The following DRD2 variants were observed in gnomAD, a reference collection of about 807,000 sequenced individuals.
The protein encoded by DRD2 is D(2) dopamine receptor.
Under a neutral mutation model 38.0 loss-of-function variants are expected in DRD2, and 8 were observed. That is an observed-to-expected ratio of 0.21 (90% confidence interval 0.12 to 0.38). The LOEUF is 0.38. DRD2 is among the 10% of genes least tolerant of loss of function. The pLI is 1.00. For missense variants in DRD2, 403 were observed against 607.7 expected (o/e 0.66, Z 3.54); for synonymous variants, 230 against 238.6 (o/e 0.96, Z 0.33).
intron 5 of DRD2, chr11:113,415,169 A>G (rs529469335): frequency 7.2e-6 from 3 of 413,858 alleles, no homozygotes; most frequent in Non-Finnish European, 1.3e-5. Flanking sequence ...GCCTTCAGTC[A>G]CAAAGATCTC....
chr11:113,456,237 T>G (rs1468319635), intron 1 of DRD2, among the ~76,000 whole-genome samples: 1 of 152,234 alleles, frequency 6.6e-6, no homozygotes, highest in Non-Finnish European at 1.5e-5. Context: ...TCTACGAATT[T>G]GAACTCATAG....
chr11:113,435,854 T>C (rs1205467022), intron 1 of DRD2, among the ~76,000 whole-genome samples: 1 of 152,182 alleles, frequency 6.6e-6, no homozygotes, highest in South Asian at 2.1e-4. Flanking sequence ...TGAGAAAACA[T>C]GCTCTTGAAA....
chr11:113,412,409 T>C (rs1013847046), intron 7 of DRD2, 147 bp downstream of exon 7: 4 of 993,736 alleles, frequency 4.0e-6, no homozygotes, highest in Non-Finnish European at 6.1e-6. Flanking sequence ...AGAATCTACC[T>C]AATAGGGCTG....
Position 113,410,594 on chromosome 11 carries a change from A to G in DRD2, c.*133T>C. On this transcript the variant is annotated 3_prime_UTR_variant, in exon 8 of 8. Transcript: ENST00000362072. ...CAGTGAGGAGCATGGAGCCAAGCGA[A>G]CACTGCAGGGCCTGCCGGGGTGAAG... The G allele has an allele frequency of 8.7e-7, 1 of 1,154,906 alleles. No individual in the cohort carries two copies. The highest frequency in any genetic ancestry group is 1.2e-5 in the South Asian group (1 of 80,424). 71.5% of individuals were successfully genotyped at this position (1,154,906 alleles called of 1,614,324 possible).
chr11:113,460,025 G>T (rs1356110310), intron 1 of DRD2, among the ~76,000 whole-genome samples: 4 of 152,222 alleles, frequency 2.6e-5, no homozygotes. Flanking sequence ...AAATCTATGG[G>T]ATTCCAGCTC....
chr11:113,430,402 A>C (rs552618917), intron 1 of DRD2, among the ~76,000 whole-genome samples: 3 of 152,364 alleles, frequency 2.0e-5, no homozygotes, highest in Admixed American at 2.0e-4. Context: ...ATCCAACCCC[A>C]GTAGAGCTCC....
chr11:113,413,273 A>G, intron 6 of DRD2: 1 of 566,300 alleles, frequency 1.8e-6, no homozygotes, highest in Non-Finnish European at 3.4e-6. Flanking sequence ...GACTGCAAAG[A>G]GGGTGCCCAC....
chr11:113,416,885 G>A lies in DRD2; in HGVS notation c.510C>T (p.Leu170=). ...TACCTGCGTTATTGAGTCCGAAGAG[G>A]AGTGGGCAGGAGATGGTGAAGGACA... ...WVLSFTISCP[L]LFGLNNADQN... The change falls in exon 4 of 8, where the codon CTC becomes CTT. Residue 170 remains leucine (L), a synonymous_variant. Transcript: ENST00000362072. 6.2e-7 allele frequency: 1 copy of A among 1,614,196 alleles called. No individual in the cohort carries two copies. The highest frequency in any genetic ancestry group is 1.3e-5 in the African/African-American group (1 of 75,076).
At chr11:113,458,252 A>AT (rs2119945832) in intron 1 of DRD2, among the ~76,000 whole-genome samples, 1 of 152,316 alleles carries the variant, frequency 6.6e-6, no homozygotes, top group East Asian at 1.9e-4. Flanking sequence ...TTTTAAAATG[A>AT]TTTTCTGCCC....
In DRD2 at chr11:113,410,535, C is replaced by G; in HGVS notation, c.*192G>C. 1.3e-6 allele frequency: 1 copy of G among 764,188 alleles called. No individual in the cohort carries two copies. The highest frequency in any genetic ancestry group is 2.1e-5 in the Admixed American group (1 of 47,918). The allele number at this position is 764,188 out of a possible 1,614,324, so 47.3% of individuals were successfully genotyped here. A position where few individuals can be genotyped will look rare whatever the true frequency, so the allele number is the denominator to read the frequency against. On this transcript the variant is annotated 3_prime_UTR_variant, in exon 8 of 8. Transcript: ENST00000362072. ...CAGGGCTGGTACCATGCCCAGCTCA[C>G]TAGCACTGCCCTGGCAGAGTGAGGG...
In DRD2 at chr11:113,424,549, T is replaced by C. The variant is rs1262965650; in HGVS notation, c.103A>G (p.Asn35Asp). 1 of 1,614,192 alleles carries C rather than the reference T, an allele frequency of 6.2e-7. No individual in the cohort carries two copies. The highest frequency in any genetic ancestry group is 8.5e-7 in the Non-Finnish European group (1 of 1,180,034). ...AGGGTGAGCAGTGTGGCATAGTAGT[T>C]GTAGTGGGGTCTGTCCGCCTTCCCG... ...SDGKADRPHY[N>D]YYATLLTLLI... Residue 35 changes from asparagine to aspartate, a missense_variant, in exon 2 of 8, where the codon AAC becomes GAC. Coordinates refer to ENST00000362072, the MANE Select transcript of DRD2 (RefSeq NM_000795.4).
At chr11:113,431,751 G>A (rs1490114198) in intron 1 of DRD2, among the ~76,000 whole-genome samples, 3 of 152,224 alleles carry the variant, frequency 2.0e-5, no homozygotes, top group Admixed American at 2.0e-4. Flanking sequence ...GTAGAGGCAG[G>A]CACTTCCAAC....
chr11:113,411,263 T>TA (rs1950766973), intron 7 of DRD2, among the ~76,000 whole-genome samples: 1 of 152,220 alleles, frequency 6.6e-6, no homozygotes, highest in Non-Finnish European at 1.5e-5. Context: ...CTTTGAGGGC[T>TA]ATAGACCCAT....
chr11:113,410,957 C>T (rs375272998), intron 7 of DRD2, 37 bp from the exon 8 acceptor site: 90 of 1,587,698 alleles, frequency 5.7e-5, no homozygotes, highest in Non-Finnish European at 7.5e-5. Context: ...GTCCCCAGAG[C>T]CGGGGAGGCA....
In DRD2 at chr11:113,410,844, A is replaced by G. The variant is rs1247157523; in HGVS notation, c.1215T>C (p.Pro405=). 3 of 1,614,048 alleles carry G rather than the reference A, an allele frequency of 1.9e-6. No individual in the cohort carries two copies. Among genetic ancestry groups the G allele is most frequent in the Non-Finnish European group, 2.5e-6 (3 of 1,180,018 alleles). ...LNIHCDCNIP[P]VLYSAFTWLG... ...GCCACGTGAAGGCGCTGTACAGGAC[A>G]GGCGGGATGTTGCAGTCACAGTGTA... The change falls in exon 8 of 8, where the codon CCT becomes CCC. Residue 405 remains proline (P), a synonymous_variant. Transcript: ENST00000362072.
chr11:113,410,587 C>T lies in DRD2; in HGVS notation c.*140G>A, dbSNP rs960541404. The T allele has an allele frequency of 9.3e-7, 1 of 1,072,392 alleles. No homozygotes were observed. Among genetic ancestry groups the T allele is most frequent in the African/African-American group, 1.5e-5 (1 of 64,792 alleles). The allele number at this position is 1,072,392 out of a possible 1,614,324, so 66.4% of individuals were successfully genotyped here. A position where few individuals can be genotyped will look rare whatever the true frequency, so the allele number is the denominator to read the frequency against. On this transcript the variant is annotated 3_prime_UTR_variant, in exon 8 of 8. Coordinates refer to ENST00000362072, the MANE Select transcript of DRD2 (RefSeq NM_000795.4). ...GTGCGGGCAGTGAGGAGCATGGAGC[C>T]AAGCGAACACTGCAGGGCCTGCCGG...
At chr11:113,432,288 T>TTCTC (rs56097058) in intron 1 of DRD2, among the ~76,000 whole-genome samples, 1,517 of 136,326 alleles carry the variant, frequency 0.011, 17 homozygotes, top group East Asian at 0.031. Flanking sequence ...GATCCTCTCT[T>TTCTC]TCTCTCTCTC....
At chr11:113,416,199 C>T (rs59065384) in intron 4 of DRD2, among the ~76,000 whole-genome samples, 2 of 152,174 alleles carry the variant, frequency 1.3e-5, no homozygotes, top group Non-Finnish European at 2.9e-5. Flanking sequence ...TAATAGATAC[C>T]GAACCACACA....
At chr11:113,449,527 G>A (rs904456145) in intron 1 of DRD2, among the ~76,000 whole-genome samples, 14 of 152,146 alleles carry the variant, frequency 9.2e-5, no homozygotes, top group African/African-American at 2.7e-4. Flanking sequence ...TGTGAGCCAA[G>A]GGCAGGCTTG....
Sources: gnomAD v4.1 joint callset for allele counts (sites outside exome capture counted in the v4.1 genomes callset) on GRCh38, gnomAD v4.1.1 for gene constraint, MANE v1.5 for transcripts, NCBI Gene and HGNC (gene_info 2026-07-23, HGNC 2026-07-21) for gene names.